The following ELP4 variants were observed in gnomAD, a reference collection of about 807,000 sequenced individuals.
ELP4 encodes the protein elongator acetyltransferase complex subunit 4.
Under a neutral mutation model 48.9 loss-of-function variants are expected in ELP4, and 51 were observed. That is an observed-to-expected ratio of 1.04 (90% CI 0.83 to 1.32). ELP4 has a LOEUF of 1.32. Ranked by LOEUF, ELP4 falls within the 40% of genes most tolerant of loss-of-function variation. The probability of loss-of-function intolerance (pLI) is 0.00; values close to 1 mark genes in which losing one functional copy is unlikely to be tolerated. For missense variants in ELP4, 519 were observed against 514.6 expected (o/e 1.01, Z -0.08); for synonymous variants, 210 against 189.2 (o/e 1.11, Z -0.90).
At chr11:31,589,987 C>G (rs1957540876) in intron 3 of ELP4, among the ~76,000 whole-genome samples, 1 of 152,120 alleles carries the variant, frequency 6.6e-6, no homozygotes. Context: ...GTTAAGAGCA[C>G]ACACTCTGGA....
intron 6 of ELP4, among the ~76,000 whole-genome samples, chr11:31,630,004 C>T (rs1316904662): frequency 2.0e-5 from 3 of 151,782 alleles, no homozygotes; most frequent in Non-Finnish European, 4.4e-5. Context: ...TAACCTAAGC[C>T]CTGGTACATC....
At chr11:31,688,106 C>T (rs1369696134) in intron 9 of ELP4, among the ~76,000 whole-genome samples, 1 of 152,156 alleles carries the variant, frequency 6.6e-6, no homozygotes, top group African/African-American at 2.4e-5. Flanking sequence ...TGTTTTCACG[C>T]AAATCAGGCT....
At chr11:31,668,944 A>G (rs1945744204) in intron 9 of ELP4, among the ~76,000 whole-genome samples, 1 of 151,764 alleles carries the variant, frequency 6.6e-6, no homozygotes, top group East Asian at 1.9e-4. Flanking sequence ...TTTTTATTAA[A>G]ATACATGTCC....
chr11:31,570,466 CTTTTT>C (rs35501118), intron 3 of ELP4, among the ~76,000 whole-genome samples: 1 of 127,900 alleles, frequency 7.8e-6, no homozygotes. Context: ...TGTAATATAC[CTTTTT>C]TTTTTTTTTT....
At chr11:31,622,836 C>A (rs977185261) in intron 5 of ELP4, among the ~76,000 whole-genome samples, 3 of 151,428 alleles carry the variant, frequency 2.0e-5, no homozygotes, top group Non-Finnish European at 4.4e-5. Flanking sequence ...GAAATAAATT[C>A]TTACTAAACA....
intron 3 of ELP4, among the ~76,000 whole-genome samples, chr11:31,544,950 T>C (rs528191920): frequency 1.1e-4 from 16 of 151,996 alleles, no homozygotes; most frequent in Non-Finnish European, 2.4e-4. Context: ...GTCCTGTCTG[T>C]TAGAAGGAAA....
In ELP4 at chr11:31,783,660, A is replaced by G; in HGVS notation, c.*136A>G. 2 of 818,020 alleles carry G rather than the reference A, an allele frequency of 2.4e-6. No individual in the cohort carries two copies. Among genetic ancestry groups the G allele is most frequent in the Non-Finnish European group, 3.6e-6 (2 of 561,664 alleles). The allele number at this position is 818,020 out of a possible 1,614,324, so 50.7% of individuals were successfully genotyped here. ...CACAGGATTATAAAATGGTGCCGCC[A>G]TTTCTCATTTTTTAACTTTTTACAG... is the stretch of plus-strand genomic sequence containing the variant. On this transcript the variant is annotated 3_prime_UTR_variant, in exon 10 of 10. Transcript: ENST00000640961.
chr11:31,692,708 A>C (rs1183003297), intron 9 of ELP4, among the ~76,000 whole-genome samples: 3 of 152,122 alleles, frequency 2.0e-5, no homozygotes, highest in Non-Finnish European at 4.4e-5. Flanking sequence ...TCGAAGGCTC[A>C]TTCACACATG....
chr11:31,711,321 A>G (rs1946739422), intron 9 of ELP4, among the ~76,000 whole-genome samples: 1 of 152,202 alleles, frequency 6.6e-6, no homozygotes, highest in African/African-American at 2.4e-5. Flanking sequence ...GAAGAGCCAT[A>G]GACAAATAAA....
At chr11:31,674,529 A>G (rs1348125084) in intron 9 of ELP4, among the ~76,000 whole-genome samples, 1 of 152,262 alleles carries the variant, frequency 6.6e-6, no homozygotes, top group African/African-American at 2.4e-5. Context: ...ATAGAAGTCT[A>G]TAGAATGAGT....
At chr11:31,665,787 TGGGACTACAG>T (rs1282070427) in intron 9 of ELP4, among the ~76,000 whole-genome samples, 1 of 149,734 alleles carries the variant, frequency 6.7e-6, no homozygotes, top group Non-Finnish European at 1.5e-5. Flanking sequence ...CCCAAGTAGC[TGGGACTACAG>T]GCATGCGCCA....
chr11:31,555,878 C>T (rs934649431), intron 3 of ELP4, among the ~76,000 whole-genome samples: 7 of 151,776 alleles, frequency 4.6e-5, no homozygotes, highest in Non-Finnish European at 1.0e-4. Flanking sequence ...AATGAATGAC[C>T]AAAACCAAGG....
chr11:31,692,773 C>A (rs529978910), intron 9 of ELP4, among the ~76,000 whole-genome samples: 5 of 152,274 alleles, frequency 3.3e-5, no homozygotes, highest in Non-Finnish European at 7.4e-5. Flanking sequence ...CCACCTCCTA[C>A]CACTGTGGTC....
At chr11:31,657,033 A>C (rs975583279) in intron 9 of ELP4, among the ~76,000 whole-genome samples, 7 of 152,056 alleles carry the variant, frequency 4.6e-5, no homozygotes, top group African/African-American at 1.7e-4. Flanking sequence ...TCATTTCCTC[A>C]CTTAAATGTA....
intron 2 of ELP4, among the ~76,000 whole-genome samples, chr11:31,523,075 A>G (rs1248270107): frequency 1.3e-5 from 2 of 149,958 alleles, no homozygotes; most frequent in African/African-American, 2.5e-5. Context: ...GCCTTGTTAT[A>G]CTGCCCAGGC....
chr11:31,602,781 G>C (rs1440350329), intron 4 of ELP4, among the ~76,000 whole-genome samples: 1 of 151,722 alleles, frequency 6.6e-6, no homozygotes, highest in Non-Finnish European at 1.5e-5. Flanking sequence ...TTTCTGTAGT[G>C]ATTATCTAGT....
intron 1 of ELP4, among the ~76,000 whole-genome samples, chr11:31,518,512 T>G (rs1592077158): frequency 1.3e-5 from 2 of 151,036 alleles, no homozygotes; most frequent in South Asian, 4.2e-4. Flanking sequence ...TTTTTTTTTT[T>G]TCTGAAACAG....
chr11:31,638,916 ATGG>A (rs1301101304), intron 7 of ELP4, among the ~76,000 whole-genome samples: 2 of 151,880 alleles, frequency 1.3e-5, no homozygotes. Flanking sequence ...GAATAATTGC[ATGG>A]TGAAGAAAAA....
At chr11:31,629,370 G>A (rs955957741) in intron 6 of ELP4, among the ~76,000 whole-genome samples, 3 of 151,732 alleles carry the variant, frequency 2.0e-5, no homozygotes, top group Non-Finnish European at 4.4e-5. Flanking sequence ...TATCCTAAAG[G>A]ACACAAGAGA....
Sources: allele counts gnomAD v4.1 joint callset (sites outside exome capture counted in the v4.1 genomes callset), GRCh38; gene constraint gnomAD v4.1.1; transcripts MANE v1.5; gene names NCBI Gene and HGNC (gene_info 2026-07-23, HGNC 2026-07-21).